Variants in ELF1 observed in about 807,000 individuals in gnomAD.
The protein encoded by ELF1 is ETS-related transcription factor Elf-1.
A neutral mutation model predicts 59.9 loss-of-function variants in ELF1; 24 were observed. That is an observed-to-expected ratio of 0.40 (90% CI 0.29 to 0.56). The LOEUF is 0.56. ELF1 is among the 20% of genes least tolerant of loss of function. ELF1 has a pLI of 0.44. For synonymous variants in ELF1, 248 were observed against 266.2 expected, an observed-to-expected ratio of 0.93 and a Z score of 0.67; for missense variants, 627 against 742.2, an observed-to-expected ratio of 0.84 and a Z score of 1.80.
chr13:40,970,312 C>T (rs1177429286), intron 2 of ELF1, among the ~76,000 whole-genome samples: 1 of 152,206 alleles, frequency 6.6e-6, no homozygotes, highest in Non-Finnish European at 1.5e-5. Context: ...ACAGTAATTA[C>T]TCTGGATGCC....
chr13:40,976,242 T>A (rs899528727), intron 2 of ELF1, among the ~76,000 whole-genome samples: 20 of 152,222 alleles, frequency 1.3e-4, no homozygotes, highest in Non-Finnish European at 2.9e-4. Context: ...TTTCTAACCA[T>A]AAATTAAGAT....
chr13:40,955,664 G>A (rs566941240), intron 3 of ELF1, among the ~76,000 whole-genome samples: 10 of 114,472 alleles, frequency 8.7e-5, no homozygotes, highest in East Asian at 2.8e-4. Context: ...CGCCCCGTCC[G>A]GGAGGGAGGT....
chr13:40,997,313 AG>A (rs1857304700), intron 1 of ELF1, among the ~76,000 whole-genome samples: 2 of 151,852 alleles, frequency 1.3e-5, no homozygotes, highest in South Asian at 4.1e-4. Flanking sequence ...GCTGGAGTGC[AG>A]TGGTGCAATC....
chr13:40,955,065 G>A (rs201870658), intron 3 of ELF1, among the ~76,000 whole-genome samples: 27,595 of 147,376 alleles, frequency 0.19, 2,991 homozygotes, highest in African/African-American at 0.25. Flanking sequence ...CTGCCGCCCT[G>A]TCTGGGATGT....
At chr13:41,045,041 G>C (rs1566199107) in intron 1 of ELF1, among the ~76,000 whole-genome samples, 1 of 152,060 alleles carries the variant, frequency 6.6e-6, no homozygotes, top group Admixed American at 6.6e-5. Context: ...ATGTGTCAAG[G>C]AATTTATCCA....
At chr13:40,998,353 T>TA (rs1307491465) in intron 1 of ELF1, among the ~76,000 whole-genome samples, 1 of 152,196 alleles carries the variant, frequency 6.6e-6, no homozygotes, top group East Asian at 1.9e-4. Context: ...GCCATTGTGT[T>TA]AAAATTACCT....
chr13:40,979,186 A>G (rs1182194381), intron 2 of ELF1, among the ~76,000 whole-genome samples: 2 of 145,326 alleles, frequency 1.4e-5, no homozygotes, highest in Admixed American at 7.2e-5. Flanking sequence ...ATAACCCTAC[A>G]GATATAATCA....
At chr13:41,002,085 A>AT (rs1874480759) in intron 1 of ELF1, among the ~76,000 whole-genome samples, 1 of 152,060 alleles carries the variant, frequency 6.6e-6, no homozygotes, top group African/African-American at 2.4e-5. Flanking sequence ...CTGTGAGTAT[A>AT]TAAGGTGAGG....
In ELF1 at chr13:40,948,104, T is replaced by C. The variant is rs147915051; in HGVS notation, c.529+1702A>G. The stretch of plus-strand genomic sequence containing the variant: ...CCAGTGATCCCTGAGAGACAGGAAA[T>C]AAATGAGGCAAGTCCTATGACTGCC... On this transcript the variant is annotated intron_variant, in intron 5 of 8. Coordinates refer to ENST00000239882, the MANE Select transcript of ELF1 (RefSeq NM_172373.4). Among the ~76,000 whole-genome samples the C allele has an allele frequency of 1.3e-3, 191 of 152,264 alleles. 1 individual carries two copies. The highest frequency in any genetic ancestry group is 4.4e-3 in the African/African-American group (184 of 41,558).
At chr13:40,981,665 A>C (rs570921252) in intron 2 of ELF1, among the ~76,000 whole-genome samples, 1 of 152,254 alleles carries the variant, frequency 6.6e-6, no homozygotes, top group Admixed American at 6.5e-5. Flanking sequence ...AAAAGGCAGT[A>C]TATTCTCTAG....
intron 1 of ELF1, among the ~76,000 whole-genome samples, chr13:40,994,338 T>C (rs1312798407): frequency 6.6e-6 from 1 of 152,084 alleles, no homozygotes; most frequent in African/African-American, 2.4e-5. Flanking sequence ...ACAAAGAGAA[T>C]TCAAAATCAA....
intron 1 of ELF1, among the ~76,000 whole-genome samples, chr13:41,012,750 G>T (rs1431377396): frequency 2.6e-5 from 4 of 151,686 alleles, no homozygotes; most frequent in Non-Finnish European, 4.4e-5. Flanking sequence ...TAGAGACAGG[G>T]TCTTGCTATG....
intron 1 of ELF1, among the ~76,000 whole-genome samples, chr13:41,060,336 G>A (rs1877478732): frequency 6.6e-6 from 1 of 152,244 alleles, no homozygotes; most frequent in Non-Finnish European, 1.5e-5. Flanking sequence ...TGCATAGGAA[G>A]AGTCGCAAGA....
intron 1 of ELF1, among the ~76,000 whole-genome samples, chr13:41,028,521 G>T (rs1368652206): frequency 6.6e-6 from 1 of 152,164 alleles, no homozygotes; most frequent in Non-Finnish European, 1.5e-5. Flanking sequence ...GTACAAGAAG[G>T]CAGTAATCAA....
intron 2 of ELF1, among the ~76,000 whole-genome samples, chr13:40,963,585 A>G (rs779356264): frequency 1.8e-4 from 28 of 152,264 alleles, no homozygotes; most frequent in Non-Finnish European, 3.1e-4. Context: ...TATATAAGAA[A>G]GAGACCAACT....
At chr13:40,948,428 C>A (rs1316364114) in intron 5 of ELF1, among the ~76,000 whole-genome samples, 2 of 152,224 alleles carry the variant, frequency 1.3e-5, no homozygotes, top group African/African-American at 4.8e-5. Context: ...ACCTAAGCTT[C>A]TGCCTCAACA....
At chr13:41,004,587 T>A (rs1321934806) in intron 1 of ELF1, among the ~76,000 whole-genome samples, 2 of 152,170 alleles carry the variant, frequency 1.3e-5, no homozygotes, top group Non-Finnish European at 2.9e-5. Context: ...ATCTTGAAGT[T>A]GTACCAAGTA....
intron 1 of ELF1, among the ~76,000 whole-genome samples, chr13:40,987,440 G>T (rs986958442): frequency 4.0e-5 from 6 of 150,368 alleles, no homozygotes; most frequent in African/African-American, 1.5e-4. Flanking sequence ...AAAAAAATTA[G>T]CTGGGCATGG....
chr13:41,033,507 G>A (rs1026662402), intron 1 of ELF1, among the ~76,000 whole-genome samples: 15 of 152,202 alleles, frequency 9.9e-5, no homozygotes, highest in African/African-American at 3.6e-4. Context: ...GCATTATGCT[G>A]AGTGAAAGAA....
Sources: allele counts gnomAD v4.1 joint callset (sites outside exome capture counted in the v4.1 genomes callset), GRCh38; gene constraint gnomAD v4.1.1; transcripts MANE v1.5; gene names NCBI Gene and HGNC (gene_info 2026-07-23, HGNC 2026-07-21).